SNX17: variants seen among roughly 807,000 people sequenced by gnomAD.
SNX17 encodes sorting nexin 17, also known as sorting nexin-17.
In SNX17, 35 loss-of-function variants were observed where a neutral mutation model predicts 64.3. The observed-to-expected ratio is 0.54, with a 90% CI of 0.42 to 0.72. The LOEUF (loss-of-function observed/expected upper bound fraction) is 0.72. Ranked by LOEUF, SNX17 falls within the 30% of genes least tolerant of loss-of-function variation. SNX17 has a pLI of 0.00. For missense variants in SNX17, 538 were observed against 610.0 expected (o/e 0.88, Z 1.24); for synonymous variants, 259 against 230.2 (o/e 1.13, Z -1.13).
chr2:27,377,329 T>G lies in SNX17; in HGVS notation c.*610T>G. Reference sequence around the variant, plus strand: ...CCCCAGCCGGTTTGTCCACAGCCCCTGGGGGCAGTGGAGGTGAATACAGGG... The same window carrying G: ...CCCCAGCCGGTTTGTCCACAGCCCCGGGGGGCAGTGGAGGTGAATACAGGG... On this transcript the variant is annotated 3_prime_UTR_variant, in exon 15 of 15. Transcript: ENST00000233575. This position sits in a 1 kb window ranked among gnomAD's most constrained non-coding sequence, Gnocchi z 4.4. 1.4e-6 allele frequency: 1 copy of G among 694,394 alleles called. No individual in the cohort carries two copies. Among genetic ancestry groups the G allele is most frequent in the Non-Finnish European group, 2.6e-6 (1 of 382,016 alleles). The allele number at this position is 694,394 out of a possible 1,614,324, so 43.0% of individuals were successfully genotyped here.
rs760150083 is a variant in SNX17, at chr2:27,377,510, C to T, written c.*791C>T. ...GGGGGAGAAAAAGGTGGCTTCTGGT[C>T]CGTCTGTATAAAACATGGGGAAGAA... On this transcript the variant is annotated 3_prime_UTR_variant, in exon 15 of 15. Coordinates refer to ENST00000233575, the MANE Select transcript of SNX17 (RefSeq NM_014748.4). This position sits in a 1 kb window ranked among gnomAD's most constrained non-coding sequence, Gnocchi z 4.4. The T allele has an allele frequency of 1.2e-6, 2 of 1,610,598 alleles. No individual in the cohort carries two copies. Among genetic ancestry groups the T allele is most frequent in the East Asian group, 4.5e-5 (2 of 44,862 alleles).
At position 27,373,890 on chromosome 2, in the gene SNX17, G is replaced by A; in HGVS notation, c.351G>A (p.Val117=). The A allele has an allele frequency of 6.2e-7, 1 of 1,613,900 alleles. No individual in the cohort carries two copies. The highest frequency in any genetic ancestry group is 8.5e-7 in the Non-Finnish European group (1 of 1,180,012). The change falls in exon 5 of 15, where the codon GTG becomes GTA. Residue 117 remains valine, a synonymous_variant. Coordinates refer to ENST00000233575, the MANE Select transcript of SNX17 (RefSeq NM_014748.4). ...QETQQVPTEE[V]SLEVLLSNGQ... ...CACAGCAGGTCCCCACAGAGGAAGT[G>A]TCCTTGGAAGTGCTGCTCAGCAACG... is the stretch of plus-strand genomic sequence containing the variant.
chr2:27,371,742 G>A (rs779891464), intron 2 of SNX17: 13 of 173,980 alleles, frequency 7.5e-5, no homozygotes, highest in African/African-American at 1.4e-4. Flanking sequence ...TGTGTTCTTC[G>A]GCTCATTTCA....
At chr2:27,374,804 G>C (rs114750537) in intron 8 of SNX17, 46 bp downstream of exon 8, 3 of 1,562,592 alleles carry the variant, frequency 1.9e-6, no homozygotes, top group Non-Finnish European at 2.6e-6. Flanking sequence ...AGAAAATAAC[G>C]GGTGACTCAC....
chr2:27,375,212 C>T lies in SNX17; in HGVS notation c.774+59C>T. The T allele has an allele frequency of 1.3e-6, 2 of 1,485,204 alleles. No individual in the cohort carries two copies. Among genetic ancestry groups the T allele is most frequent in the Non-Finnish European group, 1.9e-6 (2 of 1,069,054 alleles). The allele number at this position is 1,485,204 out of a possible 1,614,324, so 92.0% of individuals were successfully genotyped here. ...GGCTTGCAGTGGCGCGATCTTGGCTCACTGCAAGCTCTGCCTCTCAGATTC... is the reference window on the plus strand; with the variant it reads ...GGCTTGCAGTGGCGCGATCTTGGCTTACTGCAAGCTCTGCCTCTCAGATTC... On this transcript the variant is annotated intron_variant, in intron 9 of 14. Coordinates refer to ENST00000233575, the MANE Select transcript of SNX17 (RefSeq NM_014748.4). The surrounding 1 kb of genome is among the most constrained non-coding windows in gnomAD (Gnocchi z 4.1).
intron 4 of SNX17, among the ~76,000 whole-genome samples, chr2:27,373,628 GC>G (rs1290893756): frequency 6.6e-6 from 1 of 152,214 alleles, no homozygotes; most frequent in East Asian, 1.9e-4. Context: ...CTCCCAAAGT[GC>G]TGGGATTACG....
chr2:27,371,328 G>A lies in SNX17; in HGVS notation c.123G>A (p.Leu41=), dbSNP rs751843928. Residue 41 remains leucine (L), a synonymous_variant, in exon 2 of 15, where the codon CTG becomes CTA. Transcript: ENST00000233575. The part of the protein sequence containing the change: ...LHCRVRYSQL[L]GLHEQLRKEY... Reference sequence around the variant, plus strand: ...GTCGGGTGCGCTACAGCCAGCTCCTGGGGCTGCACGAGCAGGTGGGACTAG... The same window carrying A: ...GTCGGGTGCGCTACAGCCAGCTCCTAGGGCTGCACGAGCAGGTGGGACTAG... The A allele has an allele frequency of 1.2e-6, 2 of 1,612,654 alleles. No individual in the cohort carries two copies. The highest frequency in any genetic ancestry group is 3.3e-5 in the Admixed American group (2 of 59,972).
rs1245217352 is a variant in SNX17 at position 27,374,441 on chromosome 2, C to G, written c.611+8C>G. On this transcript the variant is annotated splice_region_variant and intron_variant, in intron 7 of 14. Coordinates refer to ENST00000233575, the MANE Select transcript of SNX17 (RefSeq NM_014748.4). The stretch of plus-strand genomic sequence containing the variant: ...GATTGTGCTAAGGAAGAGGTCAGGG[C>G]TGGGCCTGGAAGGGGAGGGGTGGGA... 6.2e-7 allele frequency: 1 copy of G among 1,611,064 alleles called. No individual in the cohort carries two copies. The highest frequency in any genetic ancestry group is 1.3e-5 in the African/African-American group (1 of 74,850).
intron 3 of SNX17, 146 bp downstream of exon 3, chr2:27,372,886 A>G (rs757309447): frequency 7.8e-7 from 1 of 1,284,134 alleles, no homozygotes; most frequent in African/African-American, 1.5e-5. Flanking sequence ...CAAAGTAAAT[A>G]GTGTACGAGG....
intron 12 of SNX17, 40 bp downstream of exon 12, chr2:27,376,223 TC>T (rs1474944471): frequency 3.7e-6 from 6 of 1,612,960 alleles, no homozygotes; most frequent in Middle Eastern, 1.6e-4. Flanking sequence ...GCAGGTGTGC[TC>T]CCCTTGCCTT....
chr2:27,374,596 TC>T, intron 7 of SNX17, 92 bp from the exon 8 acceptor site: 1 of 1,347,378 alleles, frequency 7.4e-7, no homozygotes, highest in East Asian at 2.3e-5. Flanking sequence ...CCCTGATAGT[TC>T]CAGATTGCTC....
Position 27,372,721 on chromosome 2 carries a change from A to G in SNX17, c.237A>G (p.Leu79=). The G allele has an allele frequency of 6.2e-7, 1 of 1,614,252 alleles. No individual in the cohort carries two copies. The highest frequency in any genetic ancestry group is 8.5e-7 in the Non-Finnish European group (1 of 1,180,044). The change falls in exon 3 of 15, where the codon TTA becomes TTG. Residue 79 remains leucine, a synonymous_variant. Transcript: ENST00000233575. ...AGGTAGAACAGAGGAGAGAGCAGTT[A>G]GAGAAGTACATGCAAGCTGGTGAGT... The part of the protein sequence containing the change: ...PAEVEQRREQ[L]EKYMQAVRQD...
At position 27,377,284 on chromosome 2, in the gene SNX17, A is replaced by C; in HGVS notation, c.*565A>C. On this transcript the variant is annotated 3_prime_UTR_variant, in exon 15 of 15. Coordinates refer to ENST00000233575, the MANE Select transcript of SNX17 (RefSeq NM_014748.4). This position sits in a 1 kb window ranked among gnomAD's most constrained non-coding sequence, Gnocchi z 4.4. ...AAGCACTGAAATAAGTTAAATAAAC[A>C]GGTGGGAGGCTGGGCAGTCCCCCAG... 1.6e-6 allele frequency: 1 copy of C among 625,160 alleles called. No homozygotes were observed. Among genetic ancestry groups the C allele is most frequent in the Non-Finnish European group, 2.9e-6 (1 of 349,404 alleles). 38.7% of individuals were successfully genotyped at this position (625,160 alleles called of 1,614,324 possible).
Position 27,371,232 on chromosome 2 carries a change from G to T in SNX17, c.64-37G>T. 3 of 1,598,306 alleles carry T rather than the reference G, an allele frequency of 1.9e-6. No homozygotes were observed. The South Asian group carries it at 3.3e-5, about 18-fold the overall frequency. On this transcript the variant is annotated intron_variant, in intron 1 of 14. Transcript: ENST00000233575. ...GGTTCTCAGGGGGGTTGCGCAGACC[G>T]CAACCCTAAAATGCTTGACTACTTT...
intron 2 of SNX17, 97 bp downstream of exon 2, chr2:27,371,440 T>C (rs1682531573): frequency 1.3e-6 from 2 of 1,481,698 alleles, no homozygotes; most frequent in African/African-American, 1.4e-5. Context: ...TCCCGTAGGC[T>C]GTAGTTCCCC....
intron 6 of SNX17, 65 bp downstream of exon 6, chr2:27,374,240 TCCCCAC>T: frequency 4.3e-6 from 6 of 1,410,680 alleles, no homozygotes; most frequent in South Asian, 1.2e-5. Context: ...CCCCCCTAAC[TCCCCAC>T]CCCCACCCCC....
rs149692692 is a variant in SNX17, at chr2:27,377,491, G to A, written c.*772G>A. ...TGTGGAGCCCCTGGCCAGCGGGGGA[G>A]AAAAAGGTGGCTTCTGGTCCGTCTG... On this transcript the variant is annotated 3_prime_UTR_variant, in exon 15 of 15. Coordinates refer to ENST00000233575, the MANE Select transcript of SNX17 (RefSeq NM_014748.4). This position sits in a 1 kb window ranked among gnomAD's most constrained non-coding sequence, Gnocchi z 4.4. 174 of 1,595,556 alleles carry A rather than the reference G, an allele frequency of 1.1e-4. No individual in the cohort carries two copies. The highest frequency in any genetic ancestry group is 1.2e-4 in the African/African-American group (9 of 74,736).
chr2:27,377,534 A>G lies in SNX17; in HGVS notation c.*815A>G. ...TCCGTCTGTATAAAACATGGGGAAG[A>G]AGGACCTAGTTCAGGATGAGTCTGT... On this transcript the variant is annotated 3_prime_UTR_variant, in exon 15 of 15. Transcript: ENST00000233575. This position sits in a 1 kb window ranked among gnomAD's most constrained non-coding sequence, Gnocchi z 4.4. The G allele has an allele frequency of 6.2e-7, 1 of 1,613,740 alleles. No homozygotes were observed.
At chr2:27,376,414 C>T (rs547281539) in intron 13 of SNX17, 27 bp downstream of exon 13, 2 of 1,614,102 alleles carry the variant, frequency 1.2e-6, no homozygotes, top group Non-Finnish European at 1.7e-6. Context: ...GGTCAGAACC[C>T]TGGCTCTCAG....
Sources: gnomAD v4.1 joint callset for allele counts (sites outside exome capture counted in the v4.1 genomes callset) on GRCh38, gnomAD v4.1.1 for gene constraint, Gnocchi (gnomAD v3.1) non-coding constraint, MANE v1.5 for transcripts, NCBI Gene and HGNC (gene_info 2026-07-23, HGNC 2026-07-21) for gene names.